PALS2: variants seen among roughly 807,000 people sequenced by gnomAD.
PALS2 encodes protein PALS2.
PALS2 carries 27 observed loss-of-function variants against 61.6 expected under a neutral mutation model. That is an observed-to-expected ratio of 0.44 (90% CI 0.32 to 0.60). The LOEUF (loss-of-function observed/expected upper bound fraction) is 0.60. Among genes scored for constraint, PALS2 ranks in the 20% least tolerant of loss-of-function variants. The probability of loss-of-function intolerance (pLI) is 0.05; values close to 1 mark genes in which losing one functional copy is unlikely to be tolerated. For missense variants in PALS2, 554 were observed against 639.4 expected (o/e 0.87, Z 1.44); for synonymous variants, 236 against 218.6 (o/e 1.08, Z -0.70).
intron 1 of PALS2, among the ~76,000 whole-genome samples, chr7:24,617,418 A>G (rs1407320273): frequency 6.6e-6 from 1 of 152,146 alleles, no homozygotes; most frequent in Non-Finnish European, 1.5e-5. Flanking sequence ...GAATTACTGT[A>G]TTCCTTTGGA....
At chr7:24,632,179 C>G (rs574879583) in intron 2 of PALS2, among the ~76,000 whole-genome samples, 2 of 152,332 alleles carry the variant, frequency 1.3e-5, no homozygotes, top group East Asian at 1.9e-4. Flanking sequence ...AGAATCAACT[C>G]TTATCGTTAT....
chr7:24,605,452 T>A (rs1303073412), intron 1 of PALS2, among the ~76,000 whole-genome samples: 1 of 152,172 alleles, frequency 6.6e-6, no homozygotes, highest in Non-Finnish European at 1.5e-5. Flanking sequence ...AAGTTTCATA[T>A]ATCACTGATA....
chr7:24,633,737 G>T (rs76890179), intron 2 of PALS2, among the ~76,000 whole-genome samples: 16 of 151,884 alleles, frequency 1.1e-4, no homozygotes, highest in Non-Finnish European at 2.1e-4. Context: ...TTATGTAGAC[G>T]TAGTTTTTTA....
intron 3 of PALS2, among the ~76,000 whole-genome samples, chr7:24,645,775 T>C (rs1785801937): frequency 2.6e-5 from 4 of 152,228 alleles, no homozygotes; most frequent in Admixed American, 2.6e-4. Flanking sequence ...CATTTGTTTG[T>C]GTCTTCTCTG....
chr7:24,687,543 G>C lies in PALS2; in HGVS notation c.1552G>C (p.Glu518Gln). 1 of 1,613,058 alleles carries C rather than the reference G, an allele frequency of 6.2e-7. No individual in the cohort carries two copies. Among genetic ancestry groups the C allele is most frequent in the Non-Finnish European group, 8.5e-7 (1 of 1,179,688 alleles). ...AAATGATAATCTAGACAAAGCCTTT[G>C]AAAAACTGCAAACTGCCATAGAGAA... The part of the protein sequence containing the change: ...IINDNLDKAF[E>Q]KLQTAIEKLR... Residue 518 changes from glutamate (E) to glutamine (Q), a missense_variant, in exon 12 of 12, where the codon GAA (glutamate) becomes CAA (glutamine). Physicochemically the swap from Glu to Gln is conservative, Grantham distance 29. Transcript: ENST00000222644. This position sits in a 1 kb window ranked among gnomAD's most constrained non-coding sequence, Gnocchi z 4.5.
chr7:24,612,941 A>G (rs1232369803), intron 1 of PALS2, among the ~76,000 whole-genome samples: 1 of 151,840 alleles, frequency 6.6e-6, no homozygotes, highest in Non-Finnish European at 1.5e-5. Flanking sequence ...CTTCCTATAG[A>G]ACCTGGTATA....
At chr7:24,617,924 C>T (rs1167919684) in intron 1 of PALS2, among the ~76,000 whole-genome samples, 3 of 152,158 alleles carry the variant, frequency 2.0e-5, no homozygotes, top group Non-Finnish European at 2.9e-5. Context: ...TGCAGCCACT[C>T]GGCCAGTCTA....
intron 1 of PALS2, among the ~76,000 whole-genome samples, chr7:24,575,278 C>T (rs995570032): frequency 6.6e-6 from 1 of 152,064 alleles, no homozygotes; most frequent in Admixed American, 6.6e-5. Context: ...ATTTTGCATT[C>T]TAGGTTAAAT....
intron 11 of PALS2, among the ~76,000 whole-genome samples, chr7:24,684,154 C>G (rs1283747104): frequency 1.3e-5 from 2 of 151,736 alleles, no homozygotes; most frequent in Non-Finnish European, 2.9e-5. Context: ...GGCTGGAGTG[C>G]AGTGGTGCAG....
intron 2 of PALS2, among the ~76,000 whole-genome samples, chr7:24,627,983 A>G: frequency 6.6e-6 from 1 of 152,198 alleles, no homozygotes; most frequent in Non-Finnish European, 1.5e-5. Context: ...ATTCCAAACA[A>G]CAGAAAAAGA....
At position 24,605,463 on chromosome 7, in the gene PALS2, T is replaced by C. The variant is rs76187772; in HGVS notation, c.-2-18203T>C. On this transcript the variant is annotated intron_variant, in intron 1 of 11. Transcript: ENST00000222644. Reference sequence around the variant, plus strand: ...AAATAAGTTTCATATATCACTGATATAGTAAGATATTACTTATATAAATAC... The same window carrying C: ...AAATAAGTTTCATATATCACTGATACAGTAAGATATTACTTATATAAATAC... Among the ~76,000 whole-genome samples the C allele has an allele frequency of 7.2e-3, 1,091 of 152,284 alleles. 8 individuals are homozygous for C. The highest frequency in any genetic ancestry group is 0.015 in the Admixed American group (226 of 15,288).
At chr7:24,640,519 T>TTAAAA (rs1325926902) in intron 2 of PALS2, among the ~76,000 whole-genome samples, 6 of 152,224 alleles carry the variant, frequency 3.9e-5, no homozygotes, top group Non-Finnish European at 7.3e-5. Context: ...GAAATGGATC[T>TTAAAA]TAAAATATAA....
intron 3 of PALS2, among the ~76,000 whole-genome samples, chr7:24,646,578 A>G (rs1785844346): frequency 6.6e-6 from 1 of 152,172 alleles, no homozygotes; most frequent in Non-Finnish European, 1.5e-5. Flanking sequence ...GGATTTTGAC[A>G]TTAATGTTTG....
At chr7:24,658,579 A>T (rs533427966) in intron 5 of PALS2, among the ~76,000 whole-genome samples, 12 of 144,678 alleles carry the variant, frequency 8.3e-5, no homozygotes, top group Non-Finnish European at 1.6e-4. Flanking sequence ...TTTTTTTGAG[A>T]CAGAGTCTCG....
At chr7:24,592,094 A>G (rs1261633598) in intron 1 of PALS2, among the ~76,000 whole-genome samples, 2 of 152,150 alleles carry the variant, frequency 1.3e-5, no homozygotes, top group East Asian at 1.9e-4. Context: ...GGACTGTGCA[A>G]TGTTGGGTGA....
intron 5 of PALS2, among the ~76,000 whole-genome samples, chr7:24,652,032 AATG>A (rs1786179121): frequency 6.6e-6 from 1 of 152,198 alleles, no homozygotes; most frequent in Non-Finnish European, 1.5e-5. Flanking sequence ...GTGAAAAATA[AATG>A]ATATTAGTAC....
chr7:24,642,116 A>G (rs1785588166), intron 3 of PALS2, among the ~76,000 whole-genome samples: 1 of 152,208 alleles, frequency 6.6e-6, no homozygotes. Context: ...TCTTTGTGCC[A>G]TTAAAGAAAA....
At chr7:24,652,915 C>T (rs766812146) in intron 5 of PALS2, among the ~76,000 whole-genome samples, 28 of 152,152 alleles carry the variant, frequency 1.8e-4, no homozygotes, top group Non-Finnish European at 2.6e-4. Flanking sequence ...ACATAAGTAT[C>T]TATGTTTTAA....
intron 1 of PALS2, among the ~76,000 whole-genome samples, chr7:24,602,580 G>T (rs1435716993): frequency 6.6e-6 from 1 of 152,204 alleles, no homozygotes; most frequent in Non-Finnish European, 1.5e-5. Flanking sequence ...GCTTCAGATA[G>T]TCAGGAGGGA....
Sources: allele counts gnomAD v4.1 joint callset (sites outside exome capture counted in the v4.1 genomes callset), GRCh38; gene constraint gnomAD v4.1.1; non-coding constraint Gnocchi (gnomAD v3.1); transcripts MANE v1.5; gene names NCBI Gene and HGNC (gene_info 2026-07-23, HGNC 2026-07-21).